JADE2: variants seen among roughly 807,000 people sequenced by gnomAD.
JADE2 encodes the protein E3 ubiquitin-protein ligase Jade-2.
A neutral mutation model predicts 85.7 loss-of-function variants in JADE2; 13 were observed. The observed-to-expected ratio is 0.15, with a 90% confidence interval of 0.10 to 0.24. The LOEUF (loss-of-function observed/expected upper bound fraction) is 0.24, where lower values mean the gene tolerates loss of function less well. Among genes scored for constraint, JADE2 ranks in the 10% least tolerant of loss-of-function variants. The pLI is 1.00. For synonymous variants in JADE2, 440 were observed against 456.1 expected, an observed-to-expected ratio of 0.96 and a Z score of 0.45; for missense variants, 846 against 1,115.9, an observed-to-expected ratio of 0.76 and a Z score of 3.45.
At chr5:134,539,047 A>ATTTATTTATTTATTTAT (rs1561730019) in intron 3 of JADE2, among the ~76,000 whole-genome samples, 1 of 137,466 alleles carries the variant, frequency 7.3e-6, no homozygotes, top group African/African-American at 3.0e-5. Context: ...TTTTTATTTT[A>ATTTATTTATTTATTTAT]TTTATTTATT....
chr5:134,563,841 G>A (rs1763476387), intron 7 of JADE2, among the ~76,000 whole-genome samples: 1 of 152,184 alleles, frequency 6.6e-6, no homozygotes, highest in Non-Finnish European at 1.5e-5. Flanking sequence ...AGGACCTTTG[G>A]AGAGAATTGC....
chr5:134,575,803 G>T (rs76923298), intron 10 of JADE2: 1 of 152,132 alleles, frequency 6.6e-6, no homozygotes, highest in Non-Finnish European at 1.5e-5. Context: ...GCAGAAGTAG[G>T]ATTGCTTGAG....
intron 3 of JADE2, among the ~76,000 whole-genome samples, chr5:134,547,666 A>G (rs1339876151): frequency 1.3e-5 from 2 of 152,238 alleles, no homozygotes; most frequent in Non-Finnish European, 2.9e-5. Context: ...GGCAGTTTTT[A>G]TATAAATGCA....
At position 134,560,051 on chromosome 5, in the gene JADE2, C is replaced by T. The variant is rs1399673149; in HGVS notation, c.472+61C>T. ...TGGGCAGGGAGGGTTTTCTCCCCAT[C>T]CCGAGAGGGACAGTGGCCCAGGCAG... On this transcript the variant is annotated intron_variant, in intron 5 of 11. Coordinates refer to ENST00000681547, the MANE Select transcript of JADE2 (RefSeq NM_001388185.1). The T allele has an allele frequency of 1.5e-5, 24 of 1,587,442 alleles. No individual in the cohort carries two copies. The South Asian group carries it at 1.9e-4, about 13-fold the overall frequency.
chr5:134,561,095 C>A, intron 6 of JADE2, 138 bp downstream of exon 6: 1 of 725,474 alleles, frequency 1.4e-6, no homozygotes, highest in Non-Finnish European at 2.3e-6. Context: ...GAGGATGCTT[C>A]ATGGTACCAT....
At chr5:134,545,010 A>G (rs1397622469) in intron 3 of JADE2, among the ~76,000 whole-genome samples, 1 of 152,230 alleles carries the variant, frequency 6.6e-6, no homozygotes, top group Non-Finnish European at 1.5e-5. Context: ...ATGCCATTTT[A>G]TAGTAGAACA....
In JADE2 at chr5:134,579,473, C is replaced by G; in HGVS notation, c.*156C>G. 3 of 625,750 alleles carry G rather than the reference C, an allele frequency of 4.8e-6. No individual in the cohort carries two copies. The highest frequency in any genetic ancestry group is 5.9e-5 in the Admixed American group (2 of 33,792). The allele number at this position is 625,750 out of a possible 1,614,324, so 38.8% of individuals were successfully genotyped here. A position where few individuals can be genotyped will look rare whatever the true frequency, so the allele number is the denominator to read the frequency against. On this transcript the variant is annotated 3_prime_UTR_variant, in exon 12 of 12. Coordinates refer to ENST00000681547, the MANE Select transcript of JADE2 (RefSeq NM_001388185.1). The surrounding 1 kb of genome is among the most constrained non-coding windows in gnomAD (Gnocchi z 4.6). ...TTTAATATAGAGAGAGTTTTGAATT[C>G]TACACTGTTGTCTTTCCTCTGTGCT...
At chr5:134,527,052 C>G (rs1760884530) in intron 1 of JADE2, among the ~76,000 whole-genome samples, 1 of 152,208 alleles carries the variant, frequency 6.6e-6, no homozygotes, top group Admixed American at 6.5e-5. Context: ...AAGATGCCGG[C>G]TTGTGGCGGA....
At position 134,556,436 on chromosome 5, in the gene JADE2, ACACACACACAC is replaced by A. The variant is rs1308835853; in HGVS notation, c.312-3381_312-3371del. Reference sequence around the variant, plus strand: ...AACACACACACACACATCACACAACACACACACACACCACACACACACCTCACACATCACAC... The same window carrying A: ...AACACACACACACACATCACACAACACACACACACACCTCACACATCACAC... On this transcript the variant is annotated intron_variant, in intron 4 of 11. Transcript: ENST00000681547. Among the ~76,000 whole-genome samples the A allele has an allele frequency of 5.3e-5, 8 of 150,766 alleles. No homozygotes were observed. The East Asian group carries it at 7.8e-4, about 15-fold the overall frequency.
At chr5:134,526,814 C>G in intron 1 of JADE2, 1 of 936,618 alleles carries the variant, frequency 1.1e-6, no homozygotes, top group Non-Finnish European at 1.3e-6. Context: ...GGGTCGGGGG[C>G]AGCCTCCACC....
Position 134,564,448 on chromosome 5 carries a change from A to C in JADE2, c.853-46A>C, listed in dbSNP as rs1343277413. ...CCCCATTTTGGAGATCCCTGGAGGCAGGCTGGGGATGAGAGGAATGATGCA... is the reference window on the plus strand; with the variant it reads ...CCCCATTTTGGAGATCCCTGGAGGCCGGCTGGGGATGAGAGGAATGATGCA... On this transcript the variant is annotated intron_variant, in intron 7 of 11. Transcript: ENST00000681547. 7 of 1,326,730 alleles carry C rather than the reference A, an allele frequency of 5.3e-6. No individual in the cohort carries two copies. In the African/African-American group the frequency reaches 7.4e-5, roughly 14 times the overall value. 82.2% of individuals were successfully genotyped at this position (1,326,730 alleles called of 1,614,324 possible).
intron 9 of JADE2, among the ~76,000 whole-genome samples, chr5:134,571,290 A>C (rs1763991267): frequency 6.6e-6 from 1 of 152,244 alleles, no homozygotes; most frequent in Admixed American, 6.5e-5. Flanking sequence ...TTTCCAAATA[A>C]GGTCACATTG....
At position 134,537,246 on chromosome 5, in the gene JADE2, A is replaced by G. The variant is rs73788680; in HGVS notation, c.59-743A>G. On this transcript the variant is annotated intron_variant, in intron 2 of 11. Transcript: ENST00000681547. ...CTGCTACTCCTATTCAGCCAAAACC[A>G]TAGTGTTGCCCTATTTCTTGCTGCT... Among the ~76,000 whole-genome samples, 850 of 152,304 alleles carry G rather than the reference A, an allele frequency of 5.6e-3. 6 individuals carry two copies. Among genetic ancestry groups the G allele is most frequent in the African/African-American group, 0.019 (792 of 41,558 alleles).
chr5:134,537,091 G>A (rs1761639550), intron 2 of JADE2, among the ~76,000 whole-genome samples: 1 of 152,198 alleles, frequency 6.6e-6, no homozygotes, highest in African/African-American at 2.4e-5. Flanking sequence ...CATGCTGCCT[G>A]TGGCCTGGCT....
chr5:134,529,712 C>T (rs895918327), intron 1 of JADE2, among the ~76,000 whole-genome samples: 2 of 152,246 alleles, frequency 1.3e-5, no homozygotes, highest in Non-Finnish European at 2.9e-5. Flanking sequence ...GGCCAGAGAG[C>T]CAGCTCGCTT....
At chr5:134,526,716 A>T (rs1185895166) in intron 1 of JADE2, 5 of 985,200 alleles carry the variant, frequency 5.1e-6, no homozygotes, top group Non-Finnish European at 6.0e-6. Flanking sequence ...GCTCTGCACA[A>T]ATTAGACAGT....
At chr5:134,532,190 T>A (rs1457372267) in intron 1 of JADE2, among the ~76,000 whole-genome samples, 1 of 152,084 alleles carries the variant, frequency 6.6e-6, no homozygotes, top group African/African-American at 2.4e-5. Context: ...CCGACTGATT[T>A]ATGCTTTTTA....
rs1038427641 is a variant in JADE2 at position 134,532,699 on chromosome 5, C to G, written c.1-3159C>G. Among the ~76,000 whole-genome samples the G allele has an allele frequency of 8.5e-5, 13 of 152,234 alleles. No individual in the cohort carries two copies. The East Asian group carries it at 1.7e-3, about 20-fold the overall frequency. ...AGATCACATCTAAGCACCTCCACCC[C>G]CCAAGTGTGTTTGCAGTCCTGGATT... On this transcript the variant is annotated intron_variant, in intron 1 of 11. Transcript: ENST00000681547.
At chr5:134,528,664 CTGT>C (rs913578713) in intron 1 of JADE2, among the ~76,000 whole-genome samples, 3 of 152,160 alleles carry the variant, frequency 2.0e-5, no homozygotes, top group East Asian at 1.9e-4. Flanking sequence ...GTGCTGTTGG[CTGT>C]TGTTTTGAGT....
Sources: gnomAD v4.1 joint callset for allele counts (sites outside exome capture counted in the v4.1 genomes callset) on GRCh38, gnomAD v4.1.1 for gene constraint, Gnocchi (gnomAD v3.1) non-coding constraint, MANE v1.5 for transcripts, NCBI Gene and HGNC (gene_info 2026-07-23, HGNC 2026-07-21) for gene names.